The following EEA1 variants were observed in gnomAD, a reference collection of about 807,000 sequenced individuals.
EEA1 encodes early endosome antigen 1.
In EEA1, 111 loss-of-function variants were observed where a neutral mutation model predicts 209.2. The observed-to-expected ratio is 0.53, with a 90% CI of 0.45 to 0.62. EEA1 has a LOEUF of 0.62. EEA1 is among the 20% of genes least tolerant of loss of function. The pLI, the probability that EEA1 is intolerant of heterozygous loss-of-function variation, is 0.00. For missense variants in EEA1, 1,343 were observed against 1,530.8 expected, an observed-to-expected ratio of 0.88 and a Z score of 2.05; for synonymous variants, 536 against 540.6, an observed-to-expected ratio of 0.99 and a Z score of 0.12.
intron 13 of EEA1, chr12:92,821,075 C>A (rs1345229582): frequency 6.6e-6 from 1 of 152,116 alleles, no homozygotes; most frequent in Non-Finnish European, 1.5e-5. Flanking sequence ...AGACTTGAGA[C>A]CTGATTTAGT....
At chr12:92,884,491 T>C (rs1258913329) in intron 2 of EEA1, 12 of 1,494,998 alleles carry the variant, frequency 8.0e-6, no homozygotes, top group Non-Finnish European at 9.2e-6. Context: ...TTGGTAATGA[T>C]GGAAGCAATT....
chr12:92,860,464 A>T (rs899173266), intron 3 of EEA1, among the ~76,000 whole-genome samples: 3 of 152,140 alleles, frequency 2.0e-5, no homozygotes, highest in African/African-American at 7.2e-5. Context: ...AACATTTTCT[A>T]ATTGCTTATT....
At chr12:92,928,027 C>G (rs1881270823) in intron 1 of EEA1, among the ~76,000 whole-genome samples, 1 of 152,188 alleles carries the variant, frequency 6.6e-6, no homozygotes, top group Non-Finnish European at 1.5e-5. Flanking sequence ...CCTACAAATT[C>G]ACTAATTTCT....
At chr12:92,804,571 CA>C (rs1195692496) in intron 18 of EEA1, among the ~76,000 whole-genome samples, 1,891 of 47,720 alleles carry the variant, frequency 0.04, 16 homozygotes, top group African/African-American at 0.11. Flanking sequence ...GACTCTGTCT[CA>C]AAAAAAAAAA....
At chr12:92,810,570 G>A (rs901083869) in intron 17 of EEA1, among the ~76,000 whole-genome samples, 3 of 151,898 alleles carry the variant, frequency 2.0e-5, no homozygotes, top group African/African-American at 4.8e-5. Flanking sequence ...ATACACACAC[G>A]CTTCACCGGG....
At chr12:92,833,310 C>T (rs548385030) in intron 10 of EEA1, among the ~76,000 whole-genome samples, 5 of 152,252 alleles carry the variant, frequency 3.3e-5, no homozygotes, top group Admixed American at 2.0e-4. Context: ...CTATTGATTG[C>T]ATCTTTTTAT....
rs754717576 is a variant in EEA1 at position 92,777,530 on chromosome 12, A to G, written c.4014+13T>C. On this transcript the variant is annotated intron_variant, in intron 27 of 28. Transcript: ENST00000322349. Reference sequence around the variant, plus strand: ...TAGACTAAAAAACTGCTTCATATCCATAGGTGACTGACCTGAAGTGATTGG... The same window carrying G: ...TAGACTAAAAAACTGCTTCATATCCGTAGGTGACTGACCTGAAGTGATTGG... 19 of 1,606,112 alleles carry G rather than the reference A, an allele frequency of 1.2e-5. No individual in the cohort carries two copies. The highest frequency in any genetic ancestry group is 8.9e-5 in the South Asian group (8 of 89,718).
chr12:92,888,187 C>T (rs1273858320), intron 2 of EEA1, among the ~76,000 whole-genome samples: 1 of 152,130 alleles, frequency 6.6e-6, no homozygotes, highest in African/African-American at 2.4e-5. Context: ...TCAGCAAAAT[C>T]GTGTTTCAAG....
At chr12:92,800,271 G>C (rs1311086492) in intron 20 of EEA1, among the ~76,000 whole-genome samples, 1 of 152,010 alleles carries the variant, frequency 6.6e-6, no homozygotes, top group Non-Finnish European at 1.5e-5. Context: ...TTAGAGATCT[G>C]GGGCATATTT....
intron 1 of EEA1, 130 bp from the exon 2 acceptor site, chr12:92,891,851 A>G (rs997332847): frequency 3.4e-6 from 2 of 582,558 alleles, no homozygotes; most frequent in Admixed American, 3.3e-5. Flanking sequence ...CAGTACTAAC[A>G]GTATCATTTA....
intron 1 of EEA1, among the ~76,000 whole-genome samples, chr12:92,928,693 C>G (rs935549925): frequency 6.6e-6 from 1 of 152,128 alleles, no homozygotes; most frequent in African/African-American, 2.4e-5. Context: ...GCGGCTGGCC[C>G]GTCCCACGGG....
chr12:92,776,727 T>G, intron 28 of EEA1, 117 bp downstream of exon 28: 1 of 954,642 alleles, frequency 1.0e-6, no homozygotes, highest in Non-Finnish European at 1.6e-6. Flanking sequence ...GTTGTTAAAG[T>G]TTACTGATAA....
chr12:92,870,042 T>C (rs1878570031), intron 2 of EEA1, among the ~76,000 whole-genome samples: 3 of 152,068 alleles, frequency 2.0e-5, no homozygotes, highest in Non-Finnish European at 4.4e-5. Flanking sequence ...CCTATAAAGT[T>C]TTTCCTGAGT....
Position 92,884,007 on chromosome 12 carries a change from G to A in EEA1, c.117+7622C>T, listed in dbSNP as rs796365917. On this transcript the variant is annotated intron_variant, in intron 2 of 28. Transcript: ENST00000322349. ...CAGCCATGAATGCAAGGCCACATAA[G>A]GTGGATGGAAGAGTTGTGGAACCAA... 6.4e-6 allele frequency: 9 copies of A among 1,404,394 alleles called. No homozygotes were observed. The African/African-American group carries it at 7.0e-5, about 11-fold the overall frequency. The allele number at this position is 1,404,394 out of a possible 1,614,324, so 87.0% of individuals were successfully genotyped here.
At chr12:92,804,439 G>A (rs1875087867) in intron 18 of EEA1, among the ~76,000 whole-genome samples, 2 of 151,898 alleles carry the variant, frequency 1.3e-5, no homozygotes, top group Non-Finnish European at 2.9e-5. Context: ...AGGCATGATG[G>A]CAGGCACCTG....
intron 13 of EEA1, among the ~76,000 whole-genome samples, chr12:92,825,235 A>C (rs1043277960): frequency 1.3e-5 from 2 of 152,116 alleles, no homozygotes; most frequent in Non-Finnish European, 2.9e-5. Flanking sequence ...GCGGAGCATG[A>C]GGTCAGGAGA....
chr12:92,860,211 T>G (rs553919616), intron 3 of EEA1, among the ~76,000 whole-genome samples: 1 of 152,324 alleles, frequency 6.6e-6, no homozygotes, highest in African/African-American at 2.4e-5. Context: ...TACAGGGAAG[T>G]CACAGGCCAG....
chr12:92,915,578 C>T (rs1880735704), intron 1 of EEA1, among the ~76,000 whole-genome samples: 1 of 152,242 alleles, frequency 6.6e-6, no homozygotes, highest in African/African-American at 2.4e-5. Flanking sequence ...GAAAGAATAG[C>T]TGGCTTGCCT....
At position 92,771,926 on chromosome 12, in the gene EEA1, CTG is replaced by C. The variant is rs1331554019; in HGVS notation, c.*4083_*4084del. ...AGCTCAAGAATATGCTGTACATAAA[CTG>C]GAATTCTATAAAGCTCACAAAGTAA... On this transcript the variant is annotated 3_prime_UTR_variant, in exon 29 of 29. Coordinates refer to ENST00000322349, the MANE Select transcript of EEA1 (RefSeq NM_003566.4). 2 of 151,902 alleles carry C rather than the reference CTG, an allele frequency of 1.3e-5. No homozygotes were observed. Among genetic ancestry groups the C allele is most frequent in the East Asian group, 3.8e-4 (2 of 5,196 alleles). The allele number at this position is 151,902 out of a possible 1,614,324, so 9.4% of individuals were successfully genotyped here. A position where few individuals can be genotyped will look rare whatever the true frequency, so the allele number is the denominator to read the frequency against.
Sources: allele counts gnomAD v4.1 joint callset (sites outside exome capture counted in the v4.1 genomes callset), GRCh38; gene constraint gnomAD v4.1.1; transcripts MANE v1.5; gene names NCBI Gene and HGNC (gene_info 2026-07-23, HGNC 2026-07-21).